CTDSPL: variants seen among roughly 807,000 people sequenced by gnomAD.
CTDSPL encodes CTD small phosphatase like.
CTDSPL carries 8 observed loss-of-function variants against 30.5 expected under a neutral mutation model. That is an observed-to-expected ratio of 0.26 (90% CI 0.15 to 0.47). CTDSPL has a LOEUF of 0.47. CTDSPL is among the 20% of genes least tolerant of loss of function. The pLI is 0.99. For missense variants in CTDSPL, 248 were observed against 366.1 expected (o/e 0.68, Z 2.63); for synonymous variants, 110 against 137.9 (o/e 0.80, Z 1.42).
At chr3:37,931,986 GA>G (rs1034788696) in intron 1 of CTDSPL, among the ~76,000 whole-genome samples, 13 of 150,716 alleles carry the variant, frequency 8.6e-5, no homozygotes, top group Non-Finnish European at 1.5e-4. Flanking sequence ...GAAATTTTTG[GA>G]AAAAAAAGTA....
rs888129641 is a variant in CTDSPL, at chr3:37,937,386, T to A, written c.80-9671T>A. ...CCATCTGGCCTGAGTGAGTTCTTGC[T>A]CTTATGGGACTGGATTAGTTACCTT... is the stretch of plus-strand genomic sequence containing the variant. On this transcript the variant is annotated intron_variant, in intron 1 of 7. Transcript: ENST00000273179. 1.3e-4 allele frequency among the ~76,000 whole-genome samples: 20 copies of A among 150,116 alleles called. 1 individual carries two copies. In the Admixed American group the frequency reaches 1.3e-3, roughly 10 times the overall value.
In CTDSPL at chr3:37,912,082, C is replaced by G. The variant is rs114590328; in HGVS notation, c.80-34975C>G. On this transcript the variant is annotated intron_variant, in intron 1 of 7. Coordinates refer to ENST00000273179, the MANE Select transcript of CTDSPL (RefSeq NM_001008392.2). ...TCAAAAACCGTCATTAGGAAAACCT[C>G]TTCAGTTAACTACAGTTCTGCATAT... 2.8e-3 allele frequency among the ~76,000 whole-genome samples: 423 copies of G among 152,326 alleles called. 2 individuals carry two copies. Among genetic ancestry groups the G allele is most frequent in the African/African-American group, 9.7e-3 (405 of 41,572 alleles).
chr3:37,957,037 G>A (rs1699182232), intron 2 of CTDSPL, 74 bp from the exon 3 acceptor site: 13 of 1,200,750 alleles, frequency 1.1e-5, no homozygotes, highest in Non-Finnish European at 1.6e-5. Context: ...TGCTCAAGAG[G>A]GCTTTGAAGT....
intron 1 of CTDSPL, among the ~76,000 whole-genome samples, chr3:37,938,686 T>TTG (rs1290948425): frequency 2.7e-5 from 4 of 148,452 alleles, no homozygotes; most frequent in African/African-American, 7.3e-5. Context: ...TGGGTTTTTT[T>TTG]TTTGTTTTTT....
chr3:37,875,443 A>T (rs575599054), intron 1 of CTDSPL, among the ~76,000 whole-genome samples: 2 of 152,358 alleles, frequency 1.3e-5, no homozygotes, highest in East Asian at 3.9e-4. Flanking sequence ...TTAATATTTG[A>T]TGACTGATGC....
intron 1 of CTDSPL, among the ~76,000 whole-genome samples, chr3:37,938,769 C>G (rs1228953093): frequency 6.7e-6 from 1 of 149,076 alleles, no homozygotes; most frequent in Non-Finnish European, 1.5e-5. Context: ...CAACCTCCGC[C>G]TCCTGGGTTC....
chr3:37,977,298 A>C lies in CTDSPL; in HGVS notation c.705+1404A>C, dbSNP rs529717471. On this transcript the variant is annotated intron_variant, in intron 7 of 7. Transcript: ENST00000273179. ...TCCCTATCATCTCGAAGTGTTGTGC[A>C]TTTGGAGTATTTCAATCGGGATCCA... Among the ~76,000 whole-genome samples, 10 of 152,316 alleles carry C rather than the reference A, an allele frequency of 6.6e-5. No individual in the cohort carries two copies. The South Asian group carries it at 1.2e-3, about 19-fold the overall frequency.
chr3:37,970,383 G>T (rs1424408017), intron 5 of CTDSPL, among the ~76,000 whole-genome samples: 7 of 152,136 alleles, frequency 4.6e-5, no homozygotes. Flanking sequence ...GCTCTTCAAG[G>T]GCAAGGCCTG....
chr3:37,932,967 A>G (rs994468245), intron 1 of CTDSPL, among the ~76,000 whole-genome samples: 1 of 152,138 alleles, frequency 6.6e-6, no homozygotes, highest in Non-Finnish European at 1.5e-5. Flanking sequence ...AGCCTGGCCA[A>G]CATGGTGAAA....
intron 5 of CTDSPL, among the ~76,000 whole-genome samples, chr3:37,970,043 A>G (rs1405807581): frequency 6.6e-6 from 1 of 151,942 alleles, no homozygotes; most frequent in East Asian, 1.9e-4. Flanking sequence ...CTCTCACTTC[A>G]TCTTCAGCCA....
chr3:37,863,167 G>A (rs2125585103), intron 1 of CTDSPL, among the ~76,000 whole-genome samples: 1 of 152,300 alleles, frequency 6.6e-6, no homozygotes, highest in East Asian at 1.9e-4. Context: ...ATGTTGGGAG[G>A]ACTTACAAGG....
chr3:37,908,890 T>C (rs1445800711), intron 1 of CTDSPL, among the ~76,000 whole-genome samples: 1 of 152,214 alleles, frequency 6.6e-6, no homozygotes, highest in Non-Finnish European at 1.5e-5. Flanking sequence ...TTGTTAGAGA[T>C]TGGTATTTCT....
Position 37,950,960 on chromosome 3 carries a change from G to C in CTDSPL, c.234+3749G>C, listed in dbSNP as rs544202971. ...AAGCAAAAATTCTGTATGTGACCAA[G>C]ATATCATTTATCTATTGAGATAAAA... On this transcript the variant is annotated intron_variant, in intron 2 of 7. Coordinates refer to ENST00000273179, the MANE Select transcript of CTDSPL (RefSeq NM_001008392.2). Among the ~76,000 whole-genome samples, 3 of 152,276 alleles carry C rather than the reference G, an allele frequency of 2.0e-5. No homozygotes were observed. The South Asian group carries it at 6.2e-4, about 32-fold the overall frequency.
chr3:37,968,226 G>A (rs1455938536), intron 5 of CTDSPL: 1 of 461,530 alleles, frequency 2.2e-6, no homozygotes, highest in Non-Finnish European at 4.3e-6. Flanking sequence ...CAGGCAACAG[G>A]AAAATGCCAC....
chr3:37,883,283 C>T (rs1025658266), intron 1 of CTDSPL, among the ~76,000 whole-genome samples: 3 of 152,212 alleles, frequency 2.0e-5, no homozygotes, highest in African/African-American at 4.8e-5. Flanking sequence ...GATTTCCACT[C>T]GGGCTGGAGC....
chr3:37,893,469 A>G (rs1196735331), intron 1 of CTDSPL, among the ~76,000 whole-genome samples: 1 of 152,232 alleles, frequency 6.6e-6, no homozygotes, highest in Non-Finnish European at 1.5e-5. Flanking sequence ...AAATGTGTTA[A>G]TTCAGGTTGA....
intron 3 of CTDSPL, among the ~76,000 whole-genome samples, chr3:37,963,088 G>A (rs1212706289): frequency 3.9e-5 from 6 of 152,216 alleles, no homozygotes; most frequent in Non-Finnish European, 8.8e-5. Context: ...TTTCGTGCCT[G>A]TCTCCAAGGC....
intron 1 of CTDSPL, among the ~76,000 whole-genome samples, chr3:37,933,787 C>T (rs1326189012): frequency 3.3e-5 from 5 of 152,136 alleles, no homozygotes; most frequent in Admixed American, 6.5e-5. Context: ...TTAACTATTA[C>T]GAATACATAT....
intron 1 of CTDSPL, among the ~76,000 whole-genome samples, chr3:37,927,779 G>A (rs1161486838): frequency 1.3e-5 from 2 of 150,956 alleles, no homozygotes; most frequent in Admixed American, 1.3e-4. Flanking sequence ...TTGTTGTACA[G>A]CAAATCTCTA....
Sources: gnomAD v4.1 joint callset for allele counts (sites outside exome capture counted in the v4.1 genomes callset) on GRCh38, gnomAD v4.1.1 for gene constraint, MANE v1.5 for transcripts, NCBI Gene and HGNC (gene_info 2026-07-23, HGNC 2026-07-21) for gene names.